The following C1QTNF3 variants were observed in gnomAD, a reference collection of about 807,000 sequenced individuals.
The protein encoded by C1QTNF3 is complement C1q tumor necrosis factor-related protein 3.
C1QTNF3 carries 26 observed loss-of-function variants against 32.6 expected under a neutral mutation model. The observed-to-expected ratio is 0.80, with a 90% confidence interval of 0.58 to 1.11. The LOEUF (loss-of-function observed/expected upper bound fraction) is 1.11. Among genes scored for constraint, C1QTNF3 ranks in the 50% least tolerant of loss-of-function variants. The probability of loss-of-function intolerance (pLI) is 0.00; values close to 1 mark genes in which losing one functional copy is unlikely to be tolerated. For missense variants in C1QTNF3, 362 were observed against 398.2 expected (o/e 0.91, Z 0.77); for synonymous variants, 155 against 146.0 (o/e 1.06, Z -0.44).
the C1QTNF3 span, among the ~76,000 whole-genome samples, chr5:34,121,734 T>C: frequency 3.3e-5 from 5 of 152,196 alleles, no homozygotes; most frequent in Non-Finnish European, 7.4e-5. Context: ...CATTTGTACC[T>C]TTCCAAAATT....
chr5:34,178,359 C>G, the C1QTNF3 span, among the ~76,000 whole-genome samples: 1 of 152,034 alleles, frequency 6.6e-6, no homozygotes, highest in Non-Finnish European at 1.5e-5. Flanking sequence ...TTTCCCCTTA[C>G]TTGACTAGTT....
the C1QTNF3 span, among the ~76,000 whole-genome samples, chr5:34,156,577 T>C: frequency 6.6e-6 from 1 of 152,038 alleles, no homozygotes; most frequent in Non-Finnish European, 1.5e-5. Context: ...TTTATGGGAG[T>C]GACAGAAACC....
chr5:34,131,420 T>C, the C1QTNF3 span, among the ~76,000 whole-genome samples: 1 of 151,716 alleles, frequency 6.6e-6, no homozygotes, highest in Non-Finnish European at 1.5e-5. Context: ...TAAAATATCC[T>C]ACATTATACA....
At chr5:34,043,466 G>A (rs750076796), upstream of C1QTNF3, 2 of 263,882 alleles carry the variant, frequency 7.6e-6, no homozygotes, top group Non-Finnish European at 1.4e-5. Context: ...CATGTGTCCA[G>A]CAGTTTGCTT....
At chr5:34,238,977 A>C in the C1QTNF3 span, among the ~76,000 whole-genome samples, 1 of 152,262 alleles carries the variant, frequency 6.6e-6, no homozygotes, top group Non-Finnish European at 1.5e-5. Flanking sequence ...GAAGAGATTA[A>C]GAGCCTATGT....
the C1QTNF3 span, among the ~76,000 whole-genome samples, chr5:34,135,135 T>C: frequency 6.6e-6 from 1 of 152,344 alleles, no homozygotes; most frequent in South Asian, 2.1e-4. Context: ...TGAAGGGCTA[T>C]TGAATTTTGT....
the C1QTNF3 span, among the ~76,000 whole-genome samples, chr5:34,078,066 C>T: frequency 6.6e-6 from 1 of 151,202 alleles, no homozygotes; most frequent in Non-Finnish European, 1.5e-5. The surrounding 1 kb of genome is among the most constrained non-coding windows in gnomAD (Gnocchi z 4.0). Context: ...TAAAGCTATA[C>T]CTAATGTAAA....
At chr5:34,084,789 G>GGT in the C1QTNF3 span, among the ~76,000 whole-genome samples, 3 of 68,756 alleles carry the variant, frequency 4.4e-5, no homozygotes, top group Non-Finnish European at 8.6e-5. Flanking sequence ...GGTTTTTCTG[G>GGT]TTTTTTTTTT....
the C1QTNF3 span, among the ~76,000 whole-genome samples, chr5:34,223,946 A>G: frequency 6.6e-6 from 1 of 152,274 alleles, no homozygotes; most frequent in Non-Finnish European, 1.5e-5. Context: ...GAGCAACTTC[A>G]GCAAAGTCCC....
upstream of C1QTNF3, among the ~76,000 whole-genome samples, chr5:34,045,820 C>A (rs1426494225): frequency 6.6e-6 from 1 of 152,056 alleles, no homozygotes; most frequent in Non-Finnish European, 1.5e-5. Context: ...AGTCTGAGAG[C>A]TGCCAGGGAG....
At chr5:34,236,539 T>C in the C1QTNF3 span, among the ~76,000 whole-genome samples, 1 of 150,486 alleles carries the variant, frequency 6.6e-6, no homozygotes, top group Non-Finnish European at 1.5e-5. Context: ...TTATTTAGGC[T>C]TGATTTAGTT....
the C1QTNF3 span, among the ~76,000 whole-genome samples, chr5:34,226,556 T>C: frequency 6.7e-6 from 1 of 148,210 alleles, no homozygotes. Flanking sequence ...ATTTAATATG[T>C]TCTTAATCTC....
chr5:34,115,239 ATGAG>A, the C1QTNF3 span, among the ~76,000 whole-genome samples: 1 of 152,206 alleles, frequency 6.6e-6, no homozygotes, highest in African/African-American at 2.4e-5. Context: ...AGCAATCTAA[ATGAG>A]TATTAGATTT....
the C1QTNF3 span, among the ~76,000 whole-genome samples, chr5:34,142,303 G>A: frequency 9.2e-5 from 14 of 152,024 alleles, no homozygotes; most frequent in Admixed American, 3.3e-4. Flanking sequence ...ATAGTGGTGC[G>A]TGCCTGTAGT....
chr5:34,050,013 A>G, the C1QTNF3 span, among the ~76,000 whole-genome samples: 1 of 152,252 alleles, frequency 6.6e-6, no homozygotes, highest in East Asian at 1.9e-4. Flanking sequence ...AAAAATTCAC[A>G]CTGTAAAAAG....
At chr5:34,174,560 G>A in the C1QTNF3 span, among the ~76,000 whole-genome samples, 3 of 151,860 alleles carry the variant, frequency 2.0e-5, no homozygotes, top group Non-Finnish European at 4.4e-5. Context: ...CCTTTCAAAA[G>A]CCTATCTTCC....
the C1QTNF3 span, among the ~76,000 whole-genome samples, chr5:34,160,404 TAC>T: frequency 1.3e-5 from 2 of 152,208 alleles, no homozygotes; most frequent in Non-Finnish European, 2.9e-5. Flanking sequence ...CATATTCATA[TAC>T]ATTCTCTCTA....
At chr5:34,123,111 G>A in the C1QTNF3 span, among the ~76,000 whole-genome samples, 1 of 152,288 alleles carries the variant, frequency 6.6e-6, no homozygotes, top group Middle Eastern at 3.4e-3. Flanking sequence ...CCCTGAGAGA[G>A]CTAGAAGGTC....
chr5:34,239,759 T>G, the C1QTNF3 span, among the ~76,000 whole-genome samples: 10 of 152,078 alleles, frequency 6.6e-5, no homozygotes. Context: ...AACTGTGTAC[T>G]TAAACTTCAC....
Sources: gnomAD v4.1 joint callset for allele counts (sites outside exome capture counted in the v4.1 genomes callset) on GRCh38, gnomAD v4.1.1 for gene constraint, Gnocchi (gnomAD v3.1) non-coding constraint, MANE v1.5 for transcripts, NCBI Gene and HGNC (gene_info 2026-07-23, HGNC 2026-07-21) for gene names.